The following KCNQ5 variants were observed in gnomAD, a reference collection of about 807,000 sequenced individuals.
The protein encoded by KCNQ5 is potassium voltage-gated channel subfamily Q member 5.
KCNQ5 carries 30 observed loss-of-function variants against 98.2 expected under a neutral mutation model. The ratio of observed to expected loss-of-function variants is 0.31; its 90% CI spans 0.23 to 0.41. The LOEUF is 0.41. Among genes scored for constraint, KCNQ5 ranks in the 10% least tolerant of loss-of-function variants. The pLI, the probability that KCNQ5 is intolerant of heterozygous loss-of-function variation, is 1.00. For missense variants in KCNQ5, 835 were observed against 1,182.5 expected (o/e 0.71, Z 4.31); for synonymous variants, 458 against 449.4 (o/e 1.02, Z -0.24).
intron 1 of KCNQ5, among the ~76,000 whole-genome samples, chr6:72,743,051 A>G (rs1771209897): frequency 6.6e-6 from 1 of 152,188 alleles, no homozygotes; most frequent in Admixed American, 6.5e-5. Flanking sequence ...TCCATGTGAA[A>G]GGCTAGTCAG....
intron 11 of KCNQ5, among the ~76,000 whole-genome samples, chr6:73,170,954 A>G (rs1422155132): frequency 6.7e-6 from 1 of 148,574 alleles, no homozygotes; most frequent in Non-Finnish European, 1.5e-5. Flanking sequence ...AATAAAATAA[A>G]ATAAAATATC....
chr6:73,162,874 G>C (rs1244360029), intron 10 of KCNQ5, among the ~76,000 whole-genome samples: 1 of 152,100 alleles, frequency 6.6e-6, no homozygotes, highest in Non-Finnish European at 1.5e-5. Flanking sequence ...ATATCCCAAA[G>C]CTGTGCACTG....
At chr6:73,078,296 A>G (rs1254296889) in intron 5 of KCNQ5, among the ~76,000 whole-genome samples, 1 of 152,102 alleles carries the variant, frequency 6.6e-6, no homozygotes, top group African/African-American at 2.4e-5. Context: ...GAAGCTGTGA[A>G]TAAAATTGCA....
intron 2 of KCNQ5, among the ~76,000 whole-genome samples, chr6:73,010,333 C>T (rs1157644236): frequency 6.6e-6 from 1 of 151,838 alleles, no homozygotes; most frequent in Non-Finnish European, 1.5e-5. Flanking sequence ...TATATATATA[C>T]TCCACAAACT....
intron 1 of KCNQ5, among the ~76,000 whole-genome samples, chr6:72,755,901 C>T (rs1771944259): frequency 6.6e-6 from 1 of 152,152 alleles, no homozygotes; most frequent in Non-Finnish European, 1.5e-5. Flanking sequence ...CTGCTGGCTT[C>T]ATGCCTGTCC....
Position 72,770,619 on chromosome 6 carries a change from T to C in KCNQ5, c.398+148032T>C, listed in dbSNP as rs974870665. On this transcript the variant is annotated intron_variant, in intron 1 of 13. Transcript: ENST00000370398. ...AATTATTTCGAGAAAGAAAACATTA[T>C]TCATATATGTGTACCGATTTTATTT... Among the ~76,000 whole-genome samples, 4 of 152,164 alleles carry C rather than the reference T, an allele frequency of 2.6e-5. No individual in the cohort carries two copies. In the East Asian group the frequency reaches 7.7e-4, roughly 29 times the overall value.
chr6:72,797,492 A>G (rs935827463), intron 1 of KCNQ5, among the ~76,000 whole-genome samples: 1 of 147,882 alleles, frequency 6.8e-6, no homozygotes, highest in Non-Finnish European at 1.5e-5. Context: ...GCAACAGAAT[A>G]AGACCCTGCC....
chr6:73,125,965 C>T (rs946562352), intron 9 of KCNQ5, among the ~76,000 whole-genome samples: 2 of 152,142 alleles, frequency 1.3e-5, no homozygotes, highest in Non-Finnish European at 2.9e-5. Context: ...ATAGTCTTTG[C>T]CTAGACACTG....
At position 72,851,466 on chromosome 6, in the gene KCNQ5, T is replaced by C. The variant is rs534744993; in HGVS notation, c.399-152442T>C. Among the ~76,000 whole-genome samples the C allele has an allele frequency of 9.9e-5, 15 of 152,280 alleles. No individual in the cohort carries two copies. The South Asian group carries it at 3.1e-3, about 32-fold the overall frequency. ...GCAAGCCCAGCTATTGGTCCTTCAA[T>C]CTAAATGTCATAGTTTTCTGGGTAA... On this transcript the variant is annotated intron_variant, in intron 1 of 13. Coordinates refer to ENST00000370398, the MANE Select transcript of KCNQ5 (RefSeq NM_019842.4).
At chr6:73,047,302 C>G (rs1040016558) in intron 3 of KCNQ5, among the ~76,000 whole-genome samples, 1 of 152,178 alleles carries the variant, frequency 6.6e-6, no homozygotes, top group Non-Finnish European at 1.5e-5. Flanking sequence ...TATTGCTGCT[C>G]TCTAACCTGA....
At chr6:72,825,263 G>C (rs1775943888) in intron 1 of KCNQ5, among the ~76,000 whole-genome samples, 1 of 151,976 alleles carries the variant, frequency 6.6e-6, no homozygotes, top group Admixed American at 6.6e-5. Flanking sequence ...AACACTTTCT[G>C]TTCCCCTTCC....
chr6:73,002,915 C>T (rs1195834123), intron 1 of KCNQ5, among the ~76,000 whole-genome samples: 2 of 152,116 alleles, frequency 1.3e-5, no homozygotes, highest in Non-Finnish European at 2.9e-5. Context: ...ACTTGTAAGA[C>T]TTTTCAGGGG....
At chr6:72,877,724 T>C (rs982410019) in intron 1 of KCNQ5, among the ~76,000 whole-genome samples, 2 of 152,304 alleles carry the variant, frequency 1.3e-5, no homozygotes, top group South Asian at 4.1e-4. Flanking sequence ...CTCTCCAGCA[T>C]CTGTTGTTTC....
chr6:72,819,882 TGACTTG>T (rs1249773585), intron 1 of KCNQ5, among the ~76,000 whole-genome samples: 5 of 152,234 alleles, frequency 3.3e-5, no homozygotes, highest in Non-Finnish European at 7.3e-5. Context: ...GGCAGCCTGT[TGACTTG>T]GAAATAGAAC....
chr6:72,662,429 A>G (rs1367941910), intron 1 of KCNQ5, among the ~76,000 whole-genome samples: 1 of 152,174 alleles, frequency 6.6e-6, no homozygotes, highest in Non-Finnish European at 1.5e-5. Context: ...TGATAACATA[A>G]ATAACTTTTG....
At chr6:72,980,203 A>G (rs1456672519) in intron 1 of KCNQ5, among the ~76,000 whole-genome samples, 1 of 152,092 alleles carries the variant, frequency 6.6e-6, no homozygotes, top group Admixed American at 6.6e-5. Flanking sequence ...GTTTTTTCCA[A>G]TTCTCTAAAG....
intron 1 of KCNQ5, among the ~76,000 whole-genome samples, chr6:72,874,429 C>T (rs1778326875): frequency 6.6e-6 from 1 of 152,062 alleles, no homozygotes; most frequent in South Asian, 2.1e-4. Context: ...GGTCTATCTA[C>T]ATAAATATTT....
At chr6:72,949,629 G>C (rs1396839944) in intron 1 of KCNQ5, among the ~76,000 whole-genome samples, 1 of 152,112 alleles carries the variant, frequency 6.6e-6, no homozygotes, top group Admixed American at 6.5e-5. Context: ...TGTACTTCAA[G>C]CCAATATTTG....
At chr6:72,744,882 C>T (rs1771305183) in intron 1 of KCNQ5, among the ~76,000 whole-genome samples, 2 of 151,780 alleles carry the variant, frequency 1.3e-5, no homozygotes, top group Non-Finnish European at 2.9e-5. Context: ...GCTGAGAAAT[C>T]CTATAGTTAG....
Sources: gnomAD v4.1 joint callset for allele counts (sites outside exome capture counted in the v4.1 genomes callset) on GRCh38, gnomAD v4.1.1 for gene constraint, MANE v1.5 for transcripts, NCBI Gene and HGNC (gene_info 2026-07-23, HGNC 2026-07-21) for gene names.